DNAJC1: variants seen among roughly 807,000 people sequenced by gnomAD.
DNAJC1 encodes the protein DnaJ heat shock protein family (Hsp40) member C1.
Under a neutral mutation model 76.6 loss-of-function variants are expected in DNAJC1, and 58 were observed. The observed-to-expected ratio is 0.76, with a 90% confidence interval of 0.61 to 0.94. The LOEUF (loss-of-function observed/expected upper bound fraction) is 0.94, where lower values mean the gene tolerates loss of function less well. DNAJC1 is among the 40% of genes least tolerant of loss of function. The probability of loss-of-function intolerance (pLI) is 0.00; values close to 1 mark genes in which losing one functional copy is unlikely to be tolerated. For missense variants in DNAJC1, 689 were observed against 677.3 expected (o/e 1.02, Z -0.19); for synonymous variants, 258 against 267.9 (o/e 0.96, Z 0.36).
intron 6 of DNAJC1, among the ~76,000 whole-genome samples, chr10:21,905,193 G>C (rs1231231975): frequency 6.6e-6 from 1 of 151,546 alleles, no homozygotes; most frequent in Non-Finnish European, 1.5e-5. Context: ...CATATACTTA[G>C]GTGTCAAGAT....
intron 7 of DNAJC1, among the ~76,000 whole-genome samples, chr10:21,903,219 G>A (rs1181976392): frequency 6.6e-6 from 1 of 152,056 alleles, no homozygotes; most frequent in Non-Finnish European, 1.5e-5. Flanking sequence ...GCGCCTGGCC[G>A]ATATTCTTCT....
intron 11 of DNAJC1, among the ~76,000 whole-genome samples, chr10:21,758,461 C>G (rs1428952603): frequency 1.3e-5 from 2 of 152,192 alleles, no homozygotes; most frequent in Non-Finnish European, 2.9e-5. Context: ...CAGGGCACTC[C>G]CGCCCCCTCC....
chr10:21,926,696 T>C (rs1005096628), intron 3 of DNAJC1, among the ~76,000 whole-genome samples: 1 of 152,196 alleles, frequency 6.6e-6, no homozygotes, highest in Non-Finnish European at 1.5e-5. Context: ...CTTCATTAGT[T>C]AAGACTTTTG....
At chr10:21,906,829 A>G (rs1181212966) in intron 6 of DNAJC1, among the ~76,000 whole-genome samples, 2 of 152,098 alleles carry the variant, frequency 1.3e-5, no homozygotes, top group African/African-American at 2.4e-5. Context: ...TACCTGGGAA[A>G]CAGTTAGAAT....
intron 8 of DNAJC1, among the ~76,000 whole-genome samples, chr10:21,819,571 T>A (rs544544679): frequency 1.8e-4 from 28 of 152,264 alleles, no homozygotes; most frequent in African/African-American, 6.7e-4. Context: ...ATCTCTTAAT[T>A]TGGGGCATGG....
intron 8 of DNAJC1, among the ~76,000 whole-genome samples, chr10:21,842,469 T>G (rs1835589845): frequency 6.6e-6 from 1 of 152,148 alleles, no homozygotes; most frequent in African/African-American, 2.4e-5. Context: ...TAATTCTGAG[T>G]CTATGGTATT....
chr10:21,772,957 G>A (rs187148189), intron 9 of DNAJC1, among the ~76,000 whole-genome samples: 2 of 152,126 alleles, frequency 1.3e-5, no homozygotes, highest in African/African-American at 2.4e-5. Context: ...GAGGAACAGA[G>A]AGCGAGGGGG....
At chr10:21,785,192 A>C (rs938410504) in intron 9 of DNAJC1, 5 of 152,224 alleles carry the variant, frequency 3.3e-5, no homozygotes, top group Admixed American at 6.5e-5. Flanking sequence ...CCTCTCAAGA[A>C]AGAGGCCAAT....
chr10:21,806,150 G>C (rs1834880489), intron 8 of DNAJC1, 51 bp from the exon 9 acceptor site: 1 of 1,535,998 alleles, frequency 6.5e-7, no homozygotes. Context: ...AAAATAAAAA[G>C]ATAATTGGAA....
chr10:21,780,752 C>T (rs1167616733), intron 9 of DNAJC1, among the ~76,000 whole-genome samples: 1 of 152,092 alleles, frequency 6.6e-6, no homozygotes, highest in Non-Finnish European at 1.5e-5. Context: ...ACAATATTAA[C>T]CTTAAATGTA....
At chr10:21,789,086 T>C (rs889706582) in intron 9 of DNAJC1, among the ~76,000 whole-genome samples, 4 of 152,120 alleles carry the variant, frequency 2.6e-5, no homozygotes, top group Non-Finnish European at 5.9e-5. Context: ...CAGCTGCTTG[T>C]AGGCCATGCC....
chr10:21,907,294 T>C (rs1051591427), intron 6 of DNAJC1, among the ~76,000 whole-genome samples: 1 of 152,258 alleles, frequency 6.6e-6, no homozygotes, highest in African/African-American at 2.4e-5. Flanking sequence ...TAAGCATTTA[T>C]TTAAACATTC....
intron 7 of DNAJC1, among the ~76,000 whole-genome samples, chr10:21,898,966 T>G (rs985448757): frequency 3.3e-5 from 5 of 152,002 alleles, no homozygotes; most frequent in African/African-American, 1.2e-4. Context: ...TGGGACTGAC[T>G]AGGAAAACTA....
intron 7 of DNAJC1, among the ~76,000 whole-genome samples, chr10:21,887,422 A>G (rs1405722260): frequency 6.6e-6 from 1 of 152,208 alleles, no homozygotes; most frequent in Non-Finnish European, 1.5e-5. Context: ...AAGAGCCTGA[A>G]TAGCCAAGAC....
chr10:21,779,030 T>C (rs1430359737), intron 9 of DNAJC1, among the ~76,000 whole-genome samples: 3 of 152,160 alleles, frequency 2.0e-5, no homozygotes, highest in Non-Finnish European at 4.4e-5. Context: ...AACTGCAAGA[T>C]GGCAGCGAGG....
At chr10:21,833,362 T>G (rs892591617) in intron 8 of DNAJC1, among the ~76,000 whole-genome samples, 1 of 152,064 alleles carries the variant, frequency 6.6e-6, no homozygotes, top group South Asian at 2.1e-4. Flanking sequence ...TCCCAGCTAT[T>G]TGGGAGACTG....
In DNAJC1 at chr10:21,790,653, C is replaced by T. The variant is rs140932047; in HGVS notation, c.1098+15327G>A. Among the ~76,000 whole-genome samples, 1,003 of 152,186 alleles carry T rather than the reference C, an allele frequency of 6.6e-3. 13 individuals are homozygous for T. Among genetic ancestry groups the T allele is most frequent in the Non-Finnish European group, 8.9e-3 (606 of 68,000 alleles). Reference sequence around the variant, plus strand: ...CCTTACAAGAAATGCTCAAGGAAGTCCTGCATCTGGCAGCAAAAAGATGAT... The same window carrying T: ...CCTTACAAGAAATGCTCAAGGAAGTTCTGCATCTGGCAGCAAAAAGATGAT... On this transcript the variant is annotated intron_variant, in intron 9 of 11. Coordinates refer to ENST00000376980, the MANE Select transcript of DNAJC1 (RefSeq NM_022365.4).
chr10:21,879,735 ATACTT>A (rs1427386491), intron 8 of DNAJC1, among the ~76,000 whole-genome samples: 4 of 152,254 alleles, frequency 2.6e-5, no homozygotes, highest in Non-Finnish European at 4.4e-5. Context: ...TAATTTAAAA[ATACTT>A]TACCGCTAAA....
intron 9 of DNAJC1, among the ~76,000 whole-genome samples, chr10:21,784,936 G>A (rs542594658): frequency 1.3e-5 from 2 of 152,104 alleles, no homozygotes; most frequent in South Asian, 4.2e-4. Context: ...AGCATTAGGA[G>A]ATATACCTAA....
Sources: allele counts gnomAD v4.1 joint callset (sites outside exome capture counted in the v4.1 genomes callset), GRCh38; gene constraint gnomAD v4.1.1; transcripts MANE v1.5; gene names NCBI Gene and HGNC (gene_info 2026-07-23, HGNC 2026-07-21).